Variants in MMP8 observed in about 807,000 individuals in gnomAD.
MMP8 encodes matrix metallopeptidase 8.
In MMP8, 67 loss-of-function variants were observed where a neutral mutation model predicts 51.2. That is an observed-to-expected ratio of 1.31 (90% confidence interval 1.08 to 1.60). The LOEUF (loss-of-function observed/expected upper bound fraction) is 1.60. Ranked by LOEUF, MMP8 falls within the 40% of genes most tolerant of loss-of-function variation. MMP8 has a pLI of 0.00. For synonymous variants in MMP8, 225 were observed against 191.0 expected, an observed-to-expected ratio of 1.18 and a Z score of -1.47; for missense variants, 654 against 558.1, an observed-to-expected ratio of 1.17 and a Z score of -1.73.
At position 102,718,500 on chromosome 11, in the gene MMP8, G is replaced by A. The variant is rs779683730; in HGVS notation, c.698C>T (p.Ala233Val). The A allele has an allele frequency of 3.7e-6, 6 of 1,613,798 alleles. No individual in the cohort carries two copies. The highest frequency in any genetic ancestry group is 5.1e-6 in the Non-Finnish European group (6 of 1,179,914). Reference protein sequence around the residue: ...LGLAHSSDPGALMYPNYAFRE... With the variant: ...LGLAHSSDPGVLMYPNYAFRE... ...GAAAGCATAGTTGGGATACATCAAG[G>A]CACCAGGGTCAGAGGAGTGAGCGAG... Residue 233 changes from alanine to valine, a missense_variant, in exon 5 of 10, where the codon GCC becomes GTC. Transcript: ENST00000236826.
At chr11:102,723,045 T>A in intron 1 of MMP8, 2 of 1,292,242 alleles carry the variant, frequency 1.5e-6, no homozygotes, top group Non-Finnish European at 2.0e-6. Context: ...CTCTTTTTTA[T>A]CCTCTTCACT....
rs538296095 is a variant in MMP8, at chr11:102,712,412, G to C, written c.*936C>G. On this transcript the variant is annotated 3_prime_UTR_variant, in exon 10 of 10. Coordinates refer to ENST00000236826, the MANE Select transcript of MMP8 (RefSeq NM_002424.3). ...TACTGTGTCTAGTACCTCATGTCTA[G>C]GGTTGCTGTAACAAAGTATTGCAAA... 9 of 152,008 alleles carry C rather than the reference G, an allele frequency of 5.9e-5. No homozygotes were observed. Among genetic ancestry groups the C allele is most frequent in the African/African-American group, 2.2e-4 (9 of 41,430 alleles). The allele number at this position is 152,008 out of a possible 1,614,324, so 9.4% of individuals were successfully genotyped here.
At chr11:102,718,696 G>A (rs773079959) in intron 4 of MMP8, 121 bp from the exon 5 acceptor site, 7 of 1,059,998 alleles carry the variant, frequency 6.6e-6, no homozygotes, top group Non-Finnish European at 9.6e-6. Context: ...TCCCATGGCT[G>A]TCTTTTTCAT....
Position 102,720,263 on chromosome 11 carries a change from G to C in MMP8, c.622+1138C>G, listed in dbSNP as rs34775310. Among the ~76,000 whole-genome samples the C allele has an allele frequency of 1.0e-2, 1,520 of 152,258 alleles. 29 individuals carry two copies. Among genetic ancestry groups the C allele is most frequent in the African/African-American group, 0.035 (1,464 of 41,550 alleles). The stretch of plus-strand genomic sequence containing the variant: ...ATGAGAGTGATGTGATCCAAGATGG[G>C]CTTCCAAAAACAAACCCTGCTGCAA... On this transcript the variant is annotated intron_variant, in intron 4 of 9. Transcript: ENST00000236826.
At position 102,724,044 on chromosome 11, in the gene MMP8, A is replaced by G. The variant is rs540462566; in HGVS notation, c.102+710T>C. Reference sequence around the variant, plus strand: ...GTTGCCTTGCATAGAATAAGCACTCAATGGACTTTACATTAACCCGGGGGT... The same window carrying G: ...GTTGCCTTGCATAGAATAAGCACTCGATGGACTTTACATTAACCCGGGGGT... On this transcript the variant is annotated intron_variant, in intron 1 of 9. Coordinates refer to ENST00000236826, the MANE Select transcript of MMP8 (RefSeq NM_002424.3). The G allele has an allele frequency of 2.4e-5, 4 of 166,018 alleles. No homozygotes were observed. The East Asian group carries it at 6.9e-4, about 29-fold the overall frequency. 10.3% of individuals were successfully genotyped at this position (166,018 alleles called of 1,614,324 possible).
intron 6 of MMP8, among the ~76,000 whole-genome samples, chr11:102,715,818 G>A (rs1055584366): frequency 6.6e-6 from 1 of 152,198 alleles, no homozygotes; most frequent in Non-Finnish European, 1.5e-5. Context: ...TCACAAAATA[G>A]CCAATGGACA....
In MMP8 at chr11:102,714,805, T is replaced by TGG; in HGVS notation, c.1037-97_1037-96insCC. 2 of 230,442 alleles carry TGG rather than the reference T, an allele frequency of 8.7e-6. 1 individual carries two copies. The highest frequency in any genetic ancestry group is 1.5e-5 in the Non-Finnish European group (2 of 132,714). 14.3% of individuals were successfully genotyped at this position (230,442 alleles called of 1,614,324 possible). ...ATATATATATATATATATATATATA[T>TGG]ACCACTTCTTGGTCTTGCACATAGA... On this transcript the variant is annotated intron_variant, in intron 7 of 9. Coordinates refer to ENST00000236826, the MANE Select transcript of MMP8 (RefSeq NM_002424.3).
rs907970863 is a variant in MMP8 at position 102,712,001 on chromosome 11, T to C, written c.*1347A>G. The C allele has an allele frequency of 5.9e-5, 9 of 152,198 alleles. No homozygotes were observed. Among genetic ancestry groups the C allele is most frequent in the Non-Finnish European group, 1.0e-4 (7 of 68,040 alleles). 9.4% of individuals were successfully genotyped at this position (152,198 alleles called of 1,614,324 possible). A position where few individuals can be genotyped will look rare whatever the true frequency, so the allele number is the denominator to read the frequency against. On this transcript the variant is annotated 3_prime_UTR_variant, in exon 10 of 10. Transcript: ENST00000236826. Reference sequence around the variant, plus strand: ...TATTATATTCTAATAACAGCAAATATAACATTATAATGATTTTGATATCTG... The same window carrying C: ...TATTATATTCTAATAACAGCAAATACAACATTATAATGATTTTGATATCTG...
intron 5 of MMP8, among the ~76,000 whole-genome samples, 198 bp downstream of exon 5, chr11:102,718,216 T>A (rs1861359835): frequency 6.6e-6 from 1 of 152,172 alleles, no homozygotes; most frequent in Admixed American, 6.5e-5. Context: ...CATTTCTTCT[T>A]AAACTTTTTT....
chr11:102,722,992 T>A (rs1056826534), intron 1 of MMP8: 5 of 1,309,196 alleles, frequency 3.8e-6, no homozygotes, highest in Non-Finnish European at 5.0e-6. Flanking sequence ...AGGACTAACA[T>A]TAATTGACTT....
rs1335972868 is a variant in MMP8 at position 102,714,552 on chromosome 11, T to A, written c.1190+4A>T. 6.9e-7 allele frequency: 1 copy of A among 1,440,054 alleles called. No individual in the cohort carries two copies. The allele number at this position is 1,440,054 out of a possible 1,614,324, so 89.2% of individuals were successfully genotyped here. A position where few individuals can be genotyped will look rare whatever the true frequency, so the allele number is the denominator to read the frequency against. ...CCTATAATTGAAAAAATAGTTTACGTTACCTCCAGAATTGGTCATTTACAA... is the reference window on the plus strand; with the variant it reads ...CCTATAATTGAAAAAATAGTTTACGATACCTCCAGAATTGGTCATTTACAA... On this transcript the variant is annotated splice_donor_region_variant and intron_variant, in intron 8 of 9. Transcript: ENST00000236826.
At chr11:102,713,940 A>C in intron 8 of MMP8, 83 bp from the exon 9 acceptor site, 1 of 845,826 alleles carries the variant, frequency 1.2e-6, no homozygotes, top group Non-Finnish European at 1.8e-6. Flanking sequence ...ATAATTTACA[A>C]AGTCTCCTCA....
intron 9 of MMP8, 51 bp from the exon 10 acceptor site, chr11:102,713,508 A>G: frequency 7.0e-7 from 1 of 1,436,628 alleles, no homozygotes; most frequent in Non-Finnish European, 9.8e-7. Context: ...AATATCTCAG[A>G]TGTCTTCAGT....
At chr11:102,715,914 G>A (rs1861278167) in intron 6 of MMP8, among the ~76,000 whole-genome samples, 1 of 152,188 alleles carries the variant, frequency 6.6e-6, no homozygotes, top group Admixed American at 6.5e-5. Context: ...GGATGGAACT[G>A]GATGGTGCTT....
At chr11:102,713,650 G>T in intron 9 of MMP8, 104 bp downstream of exon 9, 1 of 1,109,568 alleles carries the variant, frequency 9.0e-7, no homozygotes, top group Non-Finnish European at 1.3e-6. Context: ...AGGATTGCTT[G>T]AGGCCAGGAG....
rs754947139 is a variant in MMP8 at position 102,722,429 on chromosome 11, C to T, written c.347G>A (p.Arg116Lys). 7 of 1,613,466 alleles carry T rather than the reference C, an allele frequency of 4.3e-6. No individual in the cohort carries two copies. Among genetic ancestry groups the T allele is most frequent in the South Asian group, 1.1e-5 (1 of 91,074 alleles). The stretch of plus-strand genomic sequence containing the variant: ...TATCCTGAAACCCTAGAGATATCAC[C>T]TGTAGGTCAAGTTAGTGCGTTCCCA... Reference protein sequence around the residue: ...PKWERTNLTYRIRNYTPQLSE... With the variant: ...PKWERTNLTYKIRNYTPQLSE... Residue 116 changes from arginine (R) to lysine (K), a missense_variant and splice_region_variant, in exon 2 of 10, where the codon AGG becomes AAG. By Grantham distance (26) the Arg-to-Lys change is conservative (BLOSUM62 2). Coordinates refer to ENST00000236826, the MANE Select transcript of MMP8 (RefSeq NM_002424.3).
In MMP8 at chr11:102,717,187, A is replaced by T. The variant is rs183832933; in HGVS notation, c.785-768T>A. ...TCACTCCAATCCACTATTCCATTCCATTCCACACTTTTTTAGAGAGCAGTA... is the reference window on the plus strand; with the variant it reads ...TCACTCCAATCCACTATTCCATTCCTTTCCACACTTTTTTAGAGAGCAGTA... On this transcript the variant is annotated intron_variant, in intron 5 of 9. Transcript: ENST00000236826. Among the ~76,000 whole-genome samples, 3 of 152,118 alleles carry T rather than the reference A, an allele frequency of 2.0e-5. No individual in the cohort carries two copies. The East Asian group carries it at 5.8e-4, about 29-fold the overall frequency.
At chr11:102,716,443 A>AG (rs1375930145) in intron 5 of MMP8, 24 bp from the exon 6 acceptor site, 1 of 1,399,184 alleles carries the variant, frequency 7.1e-7, no homozygotes, top group Non-Finnish European at 9.8e-7. Flanking sequence ...AAAAAAAAAA[A>AG]AAAAGGTCTT....
intron 4 of MMP8, 59 bp from the exon 5 acceptor site, chr11:102,718,634 T>G (rs889578061): frequency 6.3e-7 from 1 of 1,599,938 alleles, no homozygotes; most frequent in African/African-American, 1.3e-5. Flanking sequence ...GGCAGAAACA[T>G]GATCTCAAGG....
Sources: allele counts gnomAD v4.1 joint callset (sites outside exome capture counted in the v4.1 genomes callset), GRCh38; gene constraint gnomAD v4.1.1; transcripts MANE v1.5; gene names NCBI Gene and HGNC (gene_info 2026-07-23, HGNC 2026-07-21).